IL34: variants seen among roughly 807,000 people sequenced by gnomAD.
IL34 encodes the protein interleukin 34, also known as interleukin-34.
IL34 carries 17 observed loss-of-function variants against 25.3 expected under a neutral mutation model. The observed-to-expected ratio is 0.67, with a 90% CI of 0.46 to 1.01. IL34 has a LOEUF of 1.01. IL34 is among the 50% of genes least tolerant of loss of function. The pLI, the probability that IL34 is intolerant of heterozygous loss-of-function variation, is 0.00. For synonymous variants in IL34, 174 were observed against 140.9 expected, an observed-to-expected ratio of 1.23 and a Z score of -1.66; for missense variants, 368 against 312.9, an observed-to-expected ratio of 1.18 and a Z score of -1.33.
chr16:70,654,515 C>T, intron 1 of IL34, 23 bp from the exon 2 acceptor site: 1 of 1,590,620 alleles, frequency 6.3e-7, no homozygotes, highest in South Asian at 1.1e-5. Context: ...TGCTCATGTG[C>T]TCTTGTCGGG....
chr16:70,581,671 A>C (rs955629201), intron 1 of IL34, among the ~76,000 whole-genome samples: 1 of 152,078 alleles, frequency 6.6e-6, no homozygotes, highest in Non-Finnish European at 1.5e-5. Flanking sequence ...AGTGGTTAGG[A>C]GCTTGGCTTT....
At chr16:70,609,548 A>G (rs2051060400) in intron 1 of IL34, among the ~76,000 whole-genome samples, 1 of 151,440 alleles carries the variant, frequency 6.6e-6, no homozygotes, top group African/African-American at 2.4e-5. Context: ...TCAAGCAACA[A>G]GCAAGTGCGT....
intron 1 of IL34, among the ~76,000 whole-genome samples, chr16:70,652,418 A>G (rs141028873): frequency 0.022 from 3,391 of 152,238 alleles, 56 homozygotes; most frequent in Middle Eastern, 0.054. Context: ...TGATGGTGCC[A>G]CTGCACCTGT....
intron 1 of IL34, among the ~76,000 whole-genome samples, chr16:70,636,585 TCACA>T (rs34816911): frequency 0.11 from 14,925 of 136,256 alleles, 1,288 homozygotes; most frequent in African/African-American, 0.25. Context: ...GCAAACCCTG[TCACA>T]CACACACACA....
At chr16:70,586,971 C>T (rs960347202) in intron 1 of IL34, among the ~76,000 whole-genome samples, 1 of 152,190 alleles carries the variant, frequency 6.6e-6, no homozygotes, top group Non-Finnish European at 1.5e-5. Flanking sequence ...GTTGCGGGCT[C>T]ATTTGGGGGC....
At chr16:70,614,507 C>T (rs1206280101) in intron 1 of IL34, among the ~76,000 whole-genome samples, 2 of 152,222 alleles carry the variant, frequency 1.3e-5, no homozygotes, top group Non-Finnish European at 2.9e-5. Context: ...AGCTCAGATT[C>T]AACAGTGATG....
intron 1 of IL34, among the ~76,000 whole-genome samples, chr16:70,593,673 T>G (rs1446916815): frequency 6.6e-6 from 1 of 152,096 alleles, no homozygotes; most frequent in Non-Finnish European, 1.5e-5. Context: ...CATGCCACCA[T>G]GCTGGGCTAT....
At chr16:70,651,728 CA>C (rs1469598844) in intron 1 of IL34, among the ~76,000 whole-genome samples, 1 of 149,038 alleles carries the variant, frequency 6.7e-6, no homozygotes, top group African/African-American at 2.5e-5. Flanking sequence ...GGGGGTGGCT[CA>C]GGGAGGTGAC....
chr16:70,660,385 C>T lies in IL34; in HGVS notation c.*198C>T, dbSNP rs1006779748. ...CCTTCCATAGCTGTCATGGCCTCAC[C>T]TGGAGCGGAGGGGACCTGGGGACCT... On this transcript the variant is annotated 3_prime_UTR_variant, in exon 6 of 6. Coordinates refer to ENST00000288098, the MANE Select transcript of IL34 (RefSeq NM_001393494.1). 17 of 535,084 alleles carry T rather than the reference C, an allele frequency of 3.2e-5. No homozygotes were observed. Among genetic ancestry groups the T allele is most frequent in the African/African-American group, 2.7e-4 (14 of 51,820 alleles). 33.1% of individuals were successfully genotyped at this position (535,084 alleles called of 1,614,324 possible).
At chr16:70,606,324 G>A (rs1302526220) in intron 1 of IL34, among the ~76,000 whole-genome samples, 2 of 152,100 alleles carry the variant, frequency 1.3e-5, no homozygotes, top group Non-Finnish European at 2.9e-5. Flanking sequence ...CTTGAACCTG[G>A]GAGGTGGAGG....
intron 1 of IL34, among the ~76,000 whole-genome samples, chr16:70,597,632 T>G (rs1487435461): frequency 6.6e-6 from 1 of 152,240 alleles, no homozygotes; most frequent in Non-Finnish European, 1.5e-5. Flanking sequence ...TATGTATCTC[T>G]TACAAAATGC....
intron 1 of IL34, among the ~76,000 whole-genome samples, chr16:70,589,270 A>T (rs113770147): frequency 6.6e-6 from 1 of 152,044 alleles, no homozygotes; most frequent in African/African-American, 2.4e-5. Context: ...TTTGTTTTAG[A>T]TTCGGGGGTA....
chr16:70,642,240 C>CAG (rs544425905), upstream of IL34, among the ~76,000 whole-genome samples: 52 of 145,976 alleles, frequency 3.6e-4, no homozygotes, highest in South Asian at 2.4e-3. Context: ...TGGGAAGAGA[C>CAG]AGAGAGAGAG....
intron 1 of IL34, 29 bp from the exon 2 acceptor site, chr16:70,654,509 C>T (rs757561747): frequency 2.5e-6 from 4 of 1,585,998 alleles, no homozygotes; most frequent in Non-Finnish European, 2.6e-6. Flanking sequence ...GGAGGGTGCT[C>T]ATGTGCTCTT....
chr16:70,592,720 T>G (rs1160925212), intron 1 of IL34, among the ~76,000 whole-genome samples: 1 of 152,204 alleles, frequency 6.6e-6, no homozygotes, highest in Admixed American at 6.5e-5. Context: ...AGTGGCGCGA[T>G]CTGGGCTCAC....
intron 1 of IL34, among the ~76,000 whole-genome samples, chr16:70,608,163 C>G (rs1328129955): frequency 4.8e-5 from 6 of 124,188 alleles, no homozygotes; most frequent in Non-Finnish European, 9.6e-5. Context: ...GAGTCTTGCT[C>G]TGTTGCCCAG....
chr16:70,636,409 A>G (rs2051646047), intron 1 of IL34, among the ~76,000 whole-genome samples: 1 of 152,174 alleles, frequency 6.6e-6, no homozygotes. Context: ...ACATTTATTT[A>G]AAAAGGAAAC....
At chr16:70,594,552 A>G (rs1156940287) in intron 1 of IL34, among the ~76,000 whole-genome samples, 1 of 152,154 alleles carries the variant, frequency 6.6e-6, no homozygotes, top group East Asian at 1.9e-4. Flanking sequence ...GGGTCCTTCC[A>G]AAGATTGTAT....
At chr16:70,616,704 G>A (rs1049032685) in intron 1 of IL34, among the ~76,000 whole-genome samples, 1 of 152,114 alleles carries the variant, frequency 6.6e-6, no homozygotes, top group Non-Finnish European at 1.5e-5. Flanking sequence ...TCAAGGGTGG[G>A]GAGAATTACA....
Sources: gnomAD v4.1 joint callset for allele counts (sites outside exome capture counted in the v4.1 genomes callset) on GRCh38, gnomAD v4.1.1 for gene constraint, MANE v1.5 for transcripts, NCBI Gene and HGNC (gene_info 2026-07-23, HGNC 2026-07-21) for gene names.